The following ZC3H12B variants were observed in gnomAD, a reference collection of about 807,000 sequenced individuals.
ZC3H12B encodes zinc finger CCCH-type containing 12B.
ZC3H12B carries 7 observed loss-of-function variants against 43.9 expected under a neutral mutation model. The observed-to-expected ratio is 0.16, with a 90% CI of 0.09 to 0.30. The LOEUF (loss-of-function observed/expected upper bound fraction) is 0.30, where lower values mean the gene tolerates loss of function less well. ZC3H12B is among the 10% of genes least tolerant of loss of function. The pLI is 1.00. For missense variants in ZC3H12B, 475 were observed against 670.2 expected (o/e 0.71, Z 3.22); for synonymous variants, 222 against 241.7 (o/e 0.92, Z 0.76).
chrX:65,219,459 A>T, the ZC3H12B span, among the ~76,000 whole-genome samples: 2 of 111,433 alleles, frequency 1.8e-5, no homozygotes, highest in African/African-American at 3.3e-5. Context: ...ACATAAATTT[A>T]AAAAATCACA....
intron 3 of ZC3H12B, among the ~76,000 whole-genome samples, chrX:65,424,154 C>G (rs1240330676): frequency 8.9e-6 from 1 of 111,984 alleles, no homozygotes; most frequent in African/African-American, 3.2e-5. Context: ...TTAATAACAG[C>G]CATTCTGACT....
the ZC3H12B span, among the ~76,000 whole-genome samples, chrX:65,093,049 C>T: frequency 8.0e-5 from 9 of 111,931 alleles, no homozygotes; most frequent in Non-Finnish European, 1.7e-4. Flanking sequence ...CTCTCTGCAT[C>T]CCAGAAGCTC....
chrX:65,158,630 T>A, the ZC3H12B span, among the ~76,000 whole-genome samples: 1 of 111,939 alleles, frequency 8.9e-6, no homozygotes. Flanking sequence ...TTTGTTTTTT[T>A]CTTGTAAATT....
chrX:65,450,798 TAC>T (rs2067486945), intron 3 of ZC3H12B, among the ~76,000 whole-genome samples: 1 of 61,820 alleles, frequency 1.6e-5, no homozygotes, highest in Non-Finnish European at 2.3e-5. Context: ...TGTATATATA[TAC>T]ATATGTGTAT....
At chrX:65,271,871 G>A in the ZC3H12B span, 1 of 156,279 alleles carries the variant, frequency 6.4e-6, no homozygotes, top group Admixed American at 5.6e-5. Context: ...CAGAAGAGAT[G>A]GATAATCAAA....
the ZC3H12B span, among the ~76,000 whole-genome samples, chrX:65,135,489 T>C: frequency 1.8e-5 from 2 of 110,166 alleles, no homozygotes; most frequent in African/African-American, 6.6e-5. Context: ...TTTTTTGTCT[T>C]AATTTTCACA....
At chrX:65,333,747 C>A in the ZC3H12B span, among the ~76,000 whole-genome samples, 1 of 111,686 alleles carries the variant, frequency 9.0e-6, no homozygotes, top group Non-Finnish European at 1.9e-5. Context: ...TATGAAACAA[C>A]CTTCTAAAGA....
chrX:65,374,888 A>T (rs1023014155), intron 2 of ZC3H12B, among the ~76,000 whole-genome samples: 1 of 111,199 alleles, frequency 9.0e-6, no homozygotes, highest in African/African-American at 3.3e-5. Context: ...CTATCATGAG[A>T]AAAGCATGAG....
chrX:65,430,103 C>A (rs1027908725), intron 3 of ZC3H12B, among the ~76,000 whole-genome samples: 1 of 112,469 alleles, frequency 8.9e-6, no homozygotes, highest in Non-Finnish European at 1.9e-5. Flanking sequence ...TATGTACAAA[C>A]CTCCCACCTT....
chrX:65,369,561 C>T (rs975911818), intron 2 of ZC3H12B, among the ~76,000 whole-genome samples: 1 of 111,448 alleles, frequency 9.0e-6, no homozygotes, highest in African/African-American at 3.3e-5. Flanking sequence ...CTTCATTGTG[C>T]CCCTACTTTA....
chrX:65,182,764 C>A, the ZC3H12B span, among the ~76,000 whole-genome samples: 3 of 109,774 alleles, frequency 2.7e-5, 1 homozygote, highest in Admixed American at 2.9e-4. Context: ...TTGCAAATGA[C>A]GTGGACAGAC....
chrX:65,395,803 A>T (rs1482278959), intron 2 of ZC3H12B, among the ~76,000 whole-genome samples: 1 of 111,773 alleles, frequency 8.9e-6, no homozygotes, highest in East Asian at 2.8e-4. Flanking sequence ...TTGGCTGTGA[A>T]TCTGTCTGGT....
intron 2 of ZC3H12B, among the ~76,000 whole-genome samples, chrX:65,384,019 G>C (rs2066484257): frequency 1.0e-5 from 1 of 97,728 alleles, no homozygotes; most frequent in Non-Finnish European, 2.1e-5. Flanking sequence ...CCATTACTGG[G>C]TATATACCCA....
the ZC3H12B span, among the ~76,000 whole-genome samples, chrX:65,099,559 C>T: frequency 4.5e-5 from 5 of 111,525 alleles, no homozygotes; most frequent in Admixed American, 4.7e-4. Flanking sequence ...TGTTCTGTAG[C>T]CTCTGCTTGT....
chrX:65,472,330 C>A (rs2067926449), intron 3 of ZC3H12B, among the ~76,000 whole-genome samples: 2 of 110,644 alleles, frequency 1.8e-5, no homozygotes, highest in South Asian at 7.5e-4. Context: ...TTCTCCTTTT[C>A]TTTAGGTTGC....
At chrX:65,119,865 G>A in the ZC3H12B span, among the ~76,000 whole-genome samples, 21 of 111,864 alleles carry the variant, frequency 1.9e-4, no homozygotes, top group South Asian at 6.7e-3. Flanking sequence ...TTCTACATAT[G>A]GCTAGCCAGT....
the ZC3H12B span, among the ~76,000 whole-genome samples, chrX:65,165,434 C>T: frequency 1.8e-5 from 2 of 111,916 alleles, no homozygotes; most frequent in Non-Finnish European, 3.8e-5. Flanking sequence ...TTCATTTGCC[C>T]CACACTGCCG....
chrX:65,503,809 G>A (rs1441272576), exon 5 of ZC3H12B: 1 of 110,776 alleles, frequency 9.0e-6, no homozygotes, highest in African/African-American at 3.3e-5. Context: ...TAGAGACGTG[G>A]TTTCACCGTG....
intron 3 of ZC3H12B, among the ~76,000 whole-genome samples, chrX:65,479,615 G>A (rs776416762): frequency 5.7e-4 from 63 of 111,424 alleles, no homozygotes; most frequent in Admixed American, 1.9e-3. Flanking sequence ...TGATCTGCCC[G>A]CCTCGGCCTC....
Sources: allele counts gnomAD v4.1 joint callset (sites outside exome capture counted in the v4.1 genomes callset), GRCh38; gene constraint gnomAD v4.1.1; transcripts MANE v1.5; gene names NCBI Gene and HGNC (gene_info 2026-07-23, HGNC 2026-07-21).